The following PCNX1 variants were observed in gnomAD, a reference collection of about 807,000 sequenced individuals.
PCNX1 encodes the protein pecanex-like protein 1.
A neutral mutation model predicts 242.2 loss-of-function variants in PCNX1; 78 were observed. That is an observed-to-expected ratio of 0.32 (90% CI 0.27 to 0.39). The LOEUF (loss-of-function observed/expected upper bound fraction) is 0.39. PCNX1 is among the 10% of genes least tolerant of loss of function. The pLI is 1.00. For missense variants in PCNX1, 2,581 were observed against 2,856.5 expected (o/e 0.90, Z 2.20); for synonymous variants, 1,024 against 1,032.9 (o/e 0.99, Z 0.17).
chr14:70,993,893 A>T (rs1334077400), intron 7 of PCNX1, among the ~76,000 whole-genome samples: 1 of 152,198 alleles, frequency 6.6e-6, no homozygotes, highest in Admixed American at 6.5e-5. Flanking sequence ...CAAATTATGT[A>T]TGTATGGAAG....
intron 1 of PCNX1, among the ~76,000 whole-genome samples, chr14:70,921,780 A>G (rs1345943545): frequency 2.0e-5 from 3 of 152,208 alleles, no homozygotes; most frequent in Non-Finnish European, 2.9e-5. Flanking sequence ...TTTCAACTAT[A>G]TAAAGATGCA....
chr14:71,046,907 A>G, intron 20 of PCNX1, 57 bp from the exon 21 acceptor site: 1 of 1,416,246 alleles, frequency 7.1e-7, no homozygotes, highest in Non-Finnish European at 9.4e-7. Context: ...CTTTCTCATC[A>G]CATTGACAAA....
At chr14:71,016,634 G>T (rs368147212) in intron 11 of PCNX1, among the ~76,000 whole-genome samples, 2 of 152,102 alleles carry the variant, frequency 1.3e-5, no homozygotes, top group African/African-American at 4.8e-5. Context: ...AATAACCCAT[G>T]GATTAGAGAA....
intron 1 of PCNX1, among the ~76,000 whole-genome samples, chr14:70,919,339 A>T (rs1050432044): frequency 6.6e-6 from 1 of 152,142 alleles, no homozygotes; most frequent in African/African-American, 2.4e-5. Context: ...AAGAAATTTG[A>T]TCTGATTTTT....
intron 6 of PCNX1, among the ~76,000 whole-genome samples, chr14:70,980,149 G>A (rs1343497387): frequency 2.6e-5 from 4 of 151,864 alleles, no homozygotes; most frequent in Admixed American, 2.0e-4. Context: ...TGAATATTGT[G>A]GAAATGTAAA....
chr14:70,982,420 G>A (rs899782145), intron 6 of PCNX1, among the ~76,000 whole-genome samples: 4 of 152,084 alleles, frequency 2.6e-5, no homozygotes, highest in Non-Finnish European at 5.9e-5. Flanking sequence ...GAAACCCAGC[G>A]GTGTGTGGTC....
At chr14:71,035,987 T>C in intron 18 of PCNX1, 78 bp from the exon 19 acceptor site, 1 of 950,196 alleles carries the variant, frequency 1.1e-6, no homozygotes, top group Non-Finnish European at 1.6e-6. Flanking sequence ...ATTCTTAAAC[T>C]TTGCCAATTG....
chr14:70,952,284 A>G (rs552067032), intron 2 of PCNX1, among the ~76,000 whole-genome samples: 10 of 152,144 alleles, frequency 6.6e-5, no homozygotes, highest in Non-Finnish European at 1.3e-4. Flanking sequence ...TTTTATTGTG[A>G]AATATGTATT....
chr14:70,997,173 G>A (rs1400482845), intron 8 of PCNX1, among the ~76,000 whole-genome samples: 2 of 152,114 alleles, frequency 1.3e-5, no homozygotes, highest in Non-Finnish European at 2.9e-5. Flanking sequence ...TGTTTTAGTT[G>A]TAAGCAATAC....
chr14:71,021,385 T>C (rs1353843050), intron 12 of PCNX1, among the ~76,000 whole-genome samples: 4 of 152,150 alleles, frequency 2.6e-5, no homozygotes, highest in Non-Finnish European at 4.4e-5. Context: ...ATTCTTCCTA[T>C]CCATGAGCAT....
chr14:71,011,005 T>C (rs2140541929), intron 9 of PCNX1, among the ~76,000 whole-genome samples: 1 of 152,244 alleles, frequency 6.6e-6, no homozygotes, highest in Non-Finnish European at 1.5e-5. Context: ...AGAAATGCTG[T>C]TACCATGTTT....
At chr14:70,950,417 TATCA>T (rs1197500093) in intron 2 of PCNX1, among the ~76,000 whole-genome samples, 3 of 152,156 alleles carry the variant, frequency 2.0e-5, no homozygotes, top group Non-Finnish European at 2.9e-5. Context: ...TTTTAAATTA[TATCA>T]ATCATTTTGA....
chr14:71,056,482 C>T (rs1019915640), intron 25 of PCNX1, among the ~76,000 whole-genome samples: 2 of 152,088 alleles, frequency 1.3e-5, no homozygotes, highest in Non-Finnish European at 1.5e-5. Flanking sequence ...ATTTTGTTGA[C>T]ATTAGAATTT....
intron 34 of PCNX1, 101 bp from the exon 35 acceptor site, chr14:71,109,351 A>G: frequency 9.2e-7 from 1 of 1,088,200 alleles, no homozygotes; most frequent in Non-Finnish European, 1.3e-6. Context: ...ATAGGAATTT[A>G]AAAAGTAATT....
At chr14:71,026,641 A>G (rs1192208761) in intron 14 of PCNX1, 131 bp from the exon 15 acceptor site, 1 of 470,268 alleles carries the variant, frequency 2.1e-6, no homozygotes, top group Non-Finnish European at 3.7e-6. Context: ...GGTATCATTT[A>G]AAATACTGTC....
chr14:71,014,687 C>A (rs953050370), intron 11 of PCNX1, among the ~76,000 whole-genome samples: 13 of 137,246 alleles, frequency 9.5e-5, no homozygotes, highest in African/African-American at 3.5e-4. Flanking sequence ...CAGAATGAAA[C>A]AGAAGAGTCC....
At chr14:70,930,067 G>T (rs1358194582) in intron 1 of PCNX1, among the ~76,000 whole-genome samples, 1 of 151,718 alleles carries the variant, frequency 6.6e-6, no homozygotes. Flanking sequence ...TATTTTTCAT[G>T]TCTGTGCCCT....
chr14:70,977,565 A>G lies in PCNX1; in HGVS notation c.1228A>G (p.Ile410Val), dbSNP rs758805639. 4.3e-6 allele frequency: 7 copies of G among 1,614,236 alleles called. No individual in the cohort carries two copies. Among genetic ancestry groups the G allele is most frequent in the Middle Eastern group, 1.6e-4 (1 of 6,062 alleles). The change falls in exon 6 of 36, where the codon ATA becomes GTA. Residue 410 changes from isoleucine (I) to valine (V), a missense_variant. Around this residue, in one of 9 missense-constraint regions of PCNX1, gnomAD observed 1,204 missense variants for 1,216.7 expected, o/e 0.99. Transcript: ENST00000304743. ...YKSEQTSSTH[I>V]ESILSEHEES... The stretch of plus-strand genomic sequence containing the variant: ...AAGTGAGCAGACCAGCTCAACTCAC[A>G]TAGAGAGCATCCTGTCAGAGCATGA...
In PCNX1 at chr14:70,943,900, A is replaced by C. The variant is rs138020272; in HGVS notation, c.154-3015A>C. On this transcript the variant is annotated intron_variant, in intron 1 of 35. Coordinates refer to ENST00000304743, the MANE Select transcript of PCNX1 (RefSeq NM_014982.3). ...TGTTGCTTCAGAGGGTGCAAGCATC[A>C]AGCATTGGTGCCTTACATGTGGTGT... 8.9e-3 allele frequency among the ~76,000 whole-genome samples: 1,359 copies of C among 152,334 alleles called. 9 individuals are homozygous for C. Among genetic ancestry groups the C allele is most frequent in the South Asian group, 0.017 (82 of 4,830 alleles).
Sources: gnomAD v4.1 joint callset for allele counts (sites outside exome capture counted in the v4.1 genomes callset) on GRCh38, gnomAD v4.1.1 for gene constraint, gnomAD v4.1.1 regional missense constraint, MANE v1.5 for transcripts, NCBI Gene and HGNC (gene_info 2026-07-23, HGNC 2026-07-21) for gene names.